The following ANAPC5 variants were observed in gnomAD, a reference collection of about 807,000 sequenced individuals.
The protein encoded by ANAPC5 is anaphase-promoting complex subunit 5.
Under a neutral mutation model 91.3 loss-of-function variants are expected in ANAPC5, and 60 were observed. The observed-to-expected ratio is 0.66, with a 90% CI of 0.53 to 0.81. ANAPC5 has a LOEUF of 0.81. ANAPC5 is among the 40% of genes least tolerant of loss of function. The probability of loss-of-function intolerance (pLI) is 0.00; values close to 1 mark genes in which losing one functional copy is unlikely to be tolerated. For synonymous variants in ANAPC5, 340 were observed against 364.1 expected, an observed-to-expected ratio of 0.93 and a Z score of 0.75; for missense variants, 690 against 931.5, an observed-to-expected ratio of 0.74 and a Z score of 3.37.
At chr12:121,348,998 C>T (rs573961735) in intron 1 of ANAPC5, among the ~76,000 whole-genome samples, 1 of 152,300 alleles carries the variant, frequency 6.6e-6, no homozygotes, top group Admixed American at 6.5e-5. Flanking sequence ...GGCGCAGTGG[C>T]TCACGCCTGT....
intron 15 of ANAPC5, among the ~76,000 whole-genome samples, chr12:121,317,231 G>A (rs1902402171): frequency 6.6e-6 from 1 of 151,718 alleles, no homozygotes; most frequent in African/African-American, 2.4e-5. Context: ...AATGGTTAAA[G>A]TGGTAAATCT....
At chr12:121,319,604 C>G (rs1055344488) in intron 13 of ANAPC5, 93 bp downstream of exon 13, 2 of 1,341,010 alleles carry the variant, frequency 1.5e-6, no homozygotes. Flanking sequence ...AAGTTTTTTT[C>G]TAAGCTAAAA....
At chr12:121,314,467 T>A (rs563755645) in intron 15 of ANAPC5, among the ~76,000 whole-genome samples, 56 of 150,774 alleles carry the variant, frequency 3.7e-4, no homozygotes, top group East Asian at 3.9e-4. Context: ...AAAAAAAAAA[T>A]TTGACAAAAT....
In ANAPC5 at chr12:121,350,863, G is replaced by A. The variant is rs377231485; in HGVS notation, c.207+1271C>T. ...AATGGGAGAGAAGGCCATCACTCAC[G>A]TAACCATGAATATAAATGGAAAAAC... On this transcript the variant is annotated intron_variant, in intron 1 of 16. Transcript: ENST00000261819. Among the ~76,000 whole-genome samples the A allele has an allele frequency of 2.0e-5, 3 of 152,090 alleles. No homozygotes were observed. The South Asian group carries it at 6.2e-4, about 31-fold the overall frequency.
Position 121,318,538 on chromosome 12 carries a change from G to A in ANAPC5, c.1708C>T (p.His570Tyr), listed in dbSNP as rs1175039481. The part of the protein sequence containing the change: ...AHKLLQKLLV[H>Y]CQKLKNTEMV... ...TCTGTGTTCTTCAGTTTCTGACAAT[G>A]AACCAACAATTTTTGTAAAAGCTTA... Residue 570 changes from histidine (H) to tyrosine (Y), a missense_variant, in exon 14 of 17, where the codon CAT (histidine) becomes TAT (tyrosine). Around this residue, in one of 5 missense-constraint regions of ANAPC5, gnomAD observed 317 missense variants for 438.7 expected, o/e 0.72. Transcript: ENST00000261819. 2 of 1,614,140 alleles carry A rather than the reference G, an allele frequency of 1.2e-6. No homozygotes were observed. The highest frequency in any genetic ancestry group is 1.7e-6 in the Non-Finnish European group (2 of 1,180,024).
intron 6 of ANAPC5, 119 bp from the exon 7 acceptor site, chr12:121,335,842 G>T (rs1593595470): frequency 2.5e-6 from 2 of 804,938 alleles, no homozygotes; most frequent in Non-Finnish European, 3.7e-6. Flanking sequence ...TAATAAGATG[G>T]TCATAGTTTA....
chr12:121,347,028 A>G (rs782447912), intron 2 of ANAPC5, 23 bp from the exon 3 acceptor site: 4 of 1,504,404 alleles, frequency 2.7e-6, no homozygotes, highest in Admixed American at 1.9e-5. Context: ...ATCGAGGTGC[A>G]TATTTTAGAA....
intron 15 of ANAPC5, among the ~76,000 whole-genome samples, chr12:121,312,430 G>A (rs775050604): frequency 2.0e-5 from 3 of 151,954 alleles, no homozygotes; most frequent in Non-Finnish European, 2.9e-5. Flanking sequence ...CAGGTAGCCA[G>A]GCACAGCGGC....
upstream of ANAPC5, among the ~76,000 whole-genome samples, chr12:121,353,512 C>T (rs561882469): frequency 7.2e-5 from 11 of 152,094 alleles, no homozygotes; most frequent in Non-Finnish European, 1.3e-4. Flanking sequence ...GCGATCTCTG[C>T]TCACTGCAAG....
chr12:121,318,494 C>A lies in ANAPC5; in HGVS notation c.1745+7G>T. The A allele has an allele frequency of 1.9e-6, 3 of 1,613,992 alleles. No homozygotes were observed. Among genetic ancestry groups the A allele is most frequent in the Non-Finnish European group, 2.5e-6 (3 of 1,179,938 alleles). ...CATCTCCGTGAGATGTACAAGAGAC[C>A]CCTTACCTGATCACCATTTCTGTGT... On this transcript the variant is annotated splice_region_variant and intron_variant, in intron 14 of 16. Coordinates refer to ENST00000261819, the MANE Select transcript of ANAPC5 (RefSeq NM_016237.5).
chr12:121,317,469 G>C (rs576981684), intron 15 of ANAPC5, among the ~76,000 whole-genome samples: 3 of 151,880 alleles, frequency 2.0e-5, no homozygotes, highest in Non-Finnish European at 2.9e-5. Flanking sequence ...GGCCAGGCTG[G>C]TCTTGAACTC....
chr12:121,335,590 C>A lies in ANAPC5; in HGVS notation c.893G>T (p.Arg298Leu). 2 of 1,613,748 alleles carry A rather than the reference C, an allele frequency of 1.2e-6. No homozygotes were observed. Among genetic ancestry groups the A allele is most frequent in the Non-Finnish European group, 1.7e-6 (2 of 1,179,690 alleles). ...SKSNGEEGYG[R>L]SLRYAALNLA... The stretch of plus-strand genomic sequence containing the variant: ...ATTCAGAGCGGCGTATCTCAAGCTC[C>A]GGCCATAGCCCTCTTCCCCATTACT... Residue 298 changes from arginine (R) to leucine (L), a missense_variant, in exon 7 of 17, where the codon CGG becomes CTG. Coordinates refer to ENST00000261819, the MANE Select transcript of ANAPC5 (RefSeq NM_016237.5).
chr12:121,349,667 A>G (rs183712343), intron 1 of ANAPC5, among the ~76,000 whole-genome samples: 2 of 151,864 alleles, frequency 1.3e-5, no homozygotes, highest in East Asian at 1.9e-4. Flanking sequence ...CCAAACAGCA[A>G]AAAACAACAT....
rs748051349 is a variant in ANAPC5 at position 121,308,390 on chromosome 12, G to A, written c.*90C>T. 2.9e-6 allele frequency: 3 copies of A among 1,023,392 alleles called. No individual in the cohort carries two copies. The highest frequency in any genetic ancestry group is 4.9e-5 in the East Asian group (2 of 40,526). 63.4% of individuals were successfully genotyped at this position (1,023,392 alleles called of 1,614,324 possible). A position where few individuals can be genotyped will look rare whatever the true frequency, so the allele number is the denominator to read the frequency against. On this transcript the variant is annotated 3_prime_UTR_variant, in exon 17 of 17. Coordinates refer to ENST00000261819, the MANE Select transcript of ANAPC5 (RefSeq NM_016237.5). ...ATGCTGTTTATTGACAAGATAGGGT[G>A]TCACAAATACATCATTTATAGGGAG...
At chr12:121,346,756 G>T in intron 3 of ANAPC5, 140 bp downstream of exon 3, 2 of 508,186 alleles carry the variant, frequency 3.9e-6, no homozygotes, top group African/African-American at 4.0e-5. Flanking sequence ...AAAACAGTAA[G>T]GCAATAAATA....
chr12:121,331,594 C>A, intron 7 of ANAPC5, 166 bp from the exon 8 acceptor site: 3 of 472,186 alleles, frequency 6.4e-6, no homozygotes, highest in Non-Finnish European at 1.2e-5. Context: ...ACCCTAGCAG[C>A]AGAAAACACT....
Position 121,308,250 on chromosome 12 carries a change from A to G in ANAPC5, c.*230T>C, listed in dbSNP as rs951457399. 13 of 506,468 alleles carry G rather than the reference A, an allele frequency of 2.6e-5. No individual in the cohort carries two copies. The highest frequency in any genetic ancestry group is 3.2e-5 in the Non-Finnish European group (9 of 280,146). The allele number at this position is 506,468 out of a possible 1,614,324, so 31.4% of individuals were successfully genotyped here. A position where few individuals can be genotyped will look rare whatever the true frequency, so the allele number is the denominator to read the frequency against. Reference sequence around the variant, plus strand: ...TCTGAGATGCTTGCACTAACTTGTTAGCAAAATACCCATTTATTAAGAAAA... The same window carrying G: ...TCTGAGATGCTTGCACTAACTTGTTGGCAAAATACCCATTTATTAAGAAAA... On this transcript the variant is annotated 3_prime_UTR_variant, in exon 17 of 17. Coordinates refer to ENST00000261819, the MANE Select transcript of ANAPC5 (RefSeq NM_016237.5).
chr12:121,342,195 G>C lies in ANAPC5; in HGVS notation c.591-126C>G, dbSNP rs1903486396. ...AAATTTAACTCTCTCCTCAGAACTA[G>C]GAAAGAAAAACATAAAAAGTGATGT... is the stretch of plus-strand genomic sequence containing the variant. On this transcript the variant is annotated intron_variant, in intron 4 of 16. Coordinates refer to ENST00000261819, the MANE Select transcript of ANAPC5 (RefSeq NM_016237.5). The surrounding 1 kb of genome is among the most constrained non-coding windows in gnomAD (Gnocchi z 4.1). 3 of 668,412 alleles carry C rather than the reference G, an allele frequency of 4.5e-6. No homozygotes were observed. The highest frequency in any genetic ancestry group is 7.4e-6 in the Non-Finnish European group (3 of 403,108). The allele number at this position is 668,412 out of a possible 1,614,324, so 41.4% of individuals were successfully genotyped here.
rs1903490432 is a variant in ANAPC5 at position 121,342,326 on chromosome 12, C to A, written c.591-257G>T. On this transcript the variant is annotated intron_variant, in intron 4 of 16. Transcript: ENST00000261819. This position sits in a 1 kb window ranked among gnomAD's most constrained non-coding sequence, Gnocchi z 4.1. ...GATAGGGAAAGGACAGCCTTTCCAA[C>A]CAATGATGCTGGGAAAACTGCACAT... Among the ~76,000 whole-genome samples, 1 of 152,124 alleles carries A rather than the reference C, an allele frequency of 6.6e-6. No homozygotes were observed. Among genetic ancestry groups the A allele is most frequent in the East Asian group, 1.9e-4 (1 of 5,174 alleles).
Sources: allele counts gnomAD v4.1 joint callset (sites outside exome capture counted in the v4.1 genomes callset), GRCh38; gene constraint gnomAD v4.1.1; regional missense constraint gnomAD v4.1.1; non-coding constraint Gnocchi (gnomAD v3.1); transcripts MANE v1.5; gene names NCBI Gene and HGNC (gene_info 2026-07-23, HGNC 2026-07-21).